Variants in BCAS3 observed in about 807,000 individuals in gnomAD.
BCAS3 encodes BCAS4/BCAS3 fusion.
A neutral mutation model predicts 116.1 loss-of-function variants in BCAS3; 53 were observed. That is an observed-to-expected ratio of 0.46 (90% CI 0.37 to 0.57). The LOEUF is 0.57. Ranked by LOEUF, BCAS3 falls within the 20% of genes least tolerant of loss-of-function variation. BCAS3 has a pLI of 0.00. For synonymous variants in BCAS3, 391 were observed against 408.2 expected, an observed-to-expected ratio of 0.96 and a Z score of 0.51; for missense variants, 917 against 1,165.4, an observed-to-expected ratio of 0.79 and a Z score of 3.10.
At position 61,204,126 on chromosome 17, in the gene BCAS3, G is replaced by A. The variant is rs767545291; in HGVS notation, c.2425+119562G>A. Among the ~76,000 whole-genome samples the A allele has an allele frequency of 1.3e-5, 2 of 152,178 alleles. No homozygotes were observed. The highest frequency in any genetic ancestry group is 2.4e-5 in the African/African-American group (1 of 41,428). ...CTCCTCAGCTCACCAGAGTCACTCA[G>A]TCTCTGAGCCAAACCTGCCTTTGTT... On this transcript the variant is annotated intron_variant, in intron 22 of 23. Coordinates refer to ENST00000407086, the MANE Select transcript of BCAS3 (RefSeq NM_017679.5). This position sits in a 1 kb window ranked among gnomAD's most constrained non-coding sequence, Gnocchi z 4.2.
At chr17:61,114,225 G>T (rs1360815618) in intron 22 of BCAS3, among the ~76,000 whole-genome samples, 2 of 139,468 alleles carry the variant, frequency 1.4e-5, no homozygotes, top group East Asian at 4.3e-4. Context: ...CATAGTGTTG[G>T]AAGTTCTGGC....
At chr17:61,178,169 A>G (rs965323189) in intron 22 of BCAS3, among the ~76,000 whole-genome samples, 19 of 152,094 alleles carry the variant, frequency 1.2e-4, no homozygotes, top group African/African-American at 4.1e-4. Flanking sequence ...CTCTTATTCC[A>G]TGGACGTCCT....
intron 13 of BCAS3, among the ~76,000 whole-genome samples, chr17:60,925,774 A>C (rs2059336740): frequency 6.6e-6 from 1 of 152,098 alleles, no homozygotes; most frequent in Admixed American, 6.5e-5. Flanking sequence ...TAATACTTCC[A>C]GTGGTAGGAA....
intron 2 of BCAS3, 23 bp downstream of exon 2, chr17:60,679,563 C>A: frequency 6.4e-7 from 1 of 1,553,790 alleles, no homozygotes. Context: ...CAGATAAACC[C>A]AATAGCTGAA....
intron 22 of BCAS3, among the ~76,000 whole-genome samples, chr17:61,329,395 C>G (rs1055436505): frequency 1.3e-5 from 2 of 148,236 alleles, no homozygotes; most frequent in East Asian, 4.0e-4. Context: ...GGCCGGAGTG[C>G]AGTGGCGCGA....
At chr17:60,972,529 G>A (rs1712560700) in intron 14 of BCAS3, among the ~76,000 whole-genome samples, 1 of 146,806 alleles carries the variant, frequency 6.8e-6, no homozygotes, top group South Asian at 2.2e-4. Flanking sequence ...GCTCACTGCA[G>A]CCTTGAACTC....
At chr17:60,762,546 C>G (rs1352985114) in intron 6 of BCAS3, among the ~76,000 whole-genome samples, 3 of 152,052 alleles carry the variant, frequency 2.0e-5, no homozygotes, top group Non-Finnish European at 2.9e-5. Flanking sequence ...CTGTTCTGTT[C>G]CTTTGGTCTA....
intron 22 of BCAS3, among the ~76,000 whole-genome samples, chr17:61,117,089 A>G (rs1368514393): frequency 6.6e-6 from 1 of 152,046 alleles, no homozygotes; most frequent in African/African-American, 2.4e-5. Flanking sequence ...GCCAACCCAC[A>G]CCCTTTCTCC....
chr17:61,191,617 T>C (rs558009208), intron 22 of BCAS3, among the ~76,000 whole-genome samples: 1 of 151,170 alleles, frequency 6.6e-6, no homozygotes, highest in African/African-American at 2.4e-5. Flanking sequence ...GTACTAAAAA[T>C]ACAAAAAATT....
intron 22 of BCAS3, among the ~76,000 whole-genome samples, chr17:61,271,283 A>C (rs1359809936): frequency 1.4e-5 from 2 of 146,448 alleles, no homozygotes; most frequent in African/African-American, 5.1e-5. Flanking sequence ...GCATGCCACC[A>C]CGCCCGACTA....
In BCAS3 at chr17:61,349,052, CT is replaced by C. The variant is rs2057679459; in HGVS notation, c.2426-19274del. Among the ~76,000 whole-genome samples, 1 of 152,158 alleles carries C rather than the reference CT, an allele frequency of 6.6e-6. No homozygotes were observed. Among genetic ancestry groups the C allele is most frequent in the Non-Finnish European group, 1.5e-5 (1 of 68,034 alleles). Reference sequence around the variant, plus strand: ...CAGGCGTGAGCCACCGTGCCCGGCCCTCTTGGGCAGAGATTCTTAAGGCTGG... The same window carrying C: ...CAGGCGTGAGCCACCGTGCCCGGCCCCTTGGGCAGAGATTCTTAAGGCTGG... On this transcript the variant is annotated intron_variant, in intron 22 of 23. Coordinates refer to ENST00000407086, the MANE Select transcript of BCAS3 (RefSeq NM_017679.5). The surrounding 1 kb of genome is among the most constrained non-coding windows in gnomAD (Gnocchi z 4.7).
At chr17:61,081,381 T>C (rs540381214) in intron 21 of BCAS3, among the ~76,000 whole-genome samples, 28 of 152,222 alleles carry the variant, frequency 1.8e-4, no homozygotes, top group Non-Finnish European at 3.5e-4. Context: ...AACTCGCTTC[T>C]TTTAAAAGCA....
intron 13 of BCAS3, among the ~76,000 whole-genome samples, chr17:60,943,650 A>G (rs2060335464): frequency 6.6e-6 from 1 of 152,224 alleles, no homozygotes; most frequent in South Asian, 2.1e-4. Flanking sequence ...AACAGAAAGC[A>G]GTCAGTCAGT....
chr17:60,937,175 T>C (rs1173882446), intron 13 of BCAS3, among the ~76,000 whole-genome samples: 1 of 152,140 alleles, frequency 6.6e-6, no homozygotes, highest in Non-Finnish European at 1.5e-5. Flanking sequence ...GTTGTAGATA[T>C]GCGACATTAT....
chr17:60,913,049 T>C (rs1261810214), intron 12 of BCAS3, among the ~76,000 whole-genome samples: 2 of 152,122 alleles, frequency 1.3e-5, no homozygotes, highest in Non-Finnish European at 2.9e-5. Context: ...TTAATTTTTT[T>C]CTTTAAGTTC....
chr17:61,238,448 C>T (rs2083238458), intron 22 of BCAS3, among the ~76,000 whole-genome samples: 2 of 151,984 alleles, frequency 1.3e-5, no homozygotes, highest in South Asian at 4.1e-4. Context: ...GTCTCGAACT[C>T]CTGACCTCGT....
rs2077168418 is a variant in BCAS3, at chr17:61,145,787, T to C, written c.2425+61223T>C. On this transcript the variant is annotated intron_variant, in intron 22 of 23. Coordinates refer to ENST00000407086, the MANE Select transcript of BCAS3 (RefSeq NM_017679.5). The surrounding 1 kb of genome is among the most constrained non-coding windows in gnomAD (Gnocchi z 5.0). ...CTCTCTGGGGGGTTCCTGTTTAATA[T>C]GAAAGTCCTCTTAACAAGCGTGGAC... Among the ~76,000 whole-genome samples the C allele has an allele frequency of 6.6e-6, 1 of 152,224 alleles. No individual in the cohort carries two copies. The highest frequency in any genetic ancestry group is 2.1e-4 in the South Asian group (1 of 4,828).
rs1049828205 is a variant in BCAS3 at position 60,961,989 on chromosome 17, C to T, written c.1221+14637C>T. On this transcript the variant is annotated intron_variant, in intron 14 of 23. Transcript: ENST00000407086. The surrounding 1 kb of genome is among the most constrained non-coding windows in gnomAD (Gnocchi z 4.8). ...CTCTTAACATAATGGCCTCCAGTTT[C>T]AGCTATGTTGCTGCAAATGACAGGA... Among the ~76,000 whole-genome samples the T allele has an allele frequency of 4.6e-5, 7 of 152,136 alleles. No homozygotes were observed. The highest frequency in any genetic ancestry group is 1.0e-4 in the Non-Finnish European group (7 of 68,026).
chr17:61,112,861 A>G (rs1335916431), intron 22 of BCAS3, among the ~76,000 whole-genome samples: 2 of 151,738 alleles, frequency 1.3e-5, no homozygotes, highest in Non-Finnish European at 2.9e-5. Flanking sequence ...AGCAAATGTA[A>G]AAGAACAGAG....
Sources: allele counts gnomAD v4.1 joint callset (sites outside exome capture counted in the v4.1 genomes callset), GRCh38; gene constraint gnomAD v4.1.1; non-coding constraint Gnocchi (gnomAD v3.1); transcripts MANE v1.5; gene names NCBI Gene and HGNC (gene_info 2026-07-23, HGNC 2026-07-21).